ZNF501: variants seen among roughly 807,000 people sequenced by gnomAD.
ZNF501 encodes the protein zinc finger protein 501, also known as zinc finger protein 52.
A neutral mutation model predicts 5.7 loss-of-function variants in ZNF501; 7 were observed. That is an observed-to-expected ratio of 1.24 (90% CI 0.70 to 2.32). ZNF501 has a LOEUF of 2.32. Among genes scored for constraint, ZNF501 ranks in the 30% most tolerant of loss-of-function variants. The pLI is 0.00. For synonymous variants in ZNF501, 107 were observed against 101.9 expected, an observed-to-expected ratio of 1.05 and a Z score of -0.30; for missense variants, 352 against 321.1, an observed-to-expected ratio of 1.10 and a Z score of -0.73.
rs553353532 is a variant in ZNF501 at position 44,734,318 on chromosome 3, G to GCA, written c.-93_-92dup. 309 of 931,634 alleles carry GCA rather than the reference G, an allele frequency of 3.3e-4. 2 individuals are homozygous for GCA. Among genetic ancestry groups the GCA allele is most frequent in the South Asian group, 2.7e-3 (158 of 59,166 alleles). The allele number at this position is 931,634 out of a possible 1,614,324, so 57.7% of individuals were successfully genotyped here. On this transcript the variant is annotated 5_prime_UTR_variant, in exon 3 of 3. The change creates a premature stop within an existing upstream ORF in the 5' untranslated region. Coordinates refer to ENST00000620116, the MANE Select transcript of ZNF501 (RefSeq NM_001258280.2). Reference sequence around the variant, plus strand: ...AGCAATGCATGTGTGATGTGTGTGAGCACACACACACAGTAACCTTTCCTA... The same window carrying GCA: ...AGCAATGCATGTGTGATGTGTGTGAGCACACACACACACAGTAACCTTTCCTA...
rs929168781 is a variant in ZNF501 at position 44,734,956 on chromosome 3, C to G, written c.535C>G (p.Gln179Glu). 4 of 1,614,002 alleles carry G rather than the reference C, an allele frequency of 2.5e-6. No individual in the cohort carries two copies. Among genetic ancestry groups the G allele is most frequent in the Non-Finnish European group, 2.5e-6 (3 of 1,180,034 alleles). ...CTTTAATCAGAGTGCATGTCTCATG[C>G]AGCATCAGAGAATTCATTCAGGAGA... ...KAFNQSACLM[Q>E]HQRIHSGEKP... The change falls in exon 3 of 3, where the codon CAG (glutamine) becomes GAG (glutamate). Residue 179 changes from glutamine to glutamate, a missense_variant. Coordinates refer to ENST00000620116, the MANE Select transcript of ZNF501 (RefSeq NM_001258280.2).
rs1704578378 is a variant in ZNF501 at position 44,729,777 on chromosome 3, G to C, written c.-549G>C. 1 of 152,302 alleles carries C rather than the reference G, an allele frequency of 6.6e-6. No homozygotes were observed. Among genetic ancestry groups the C allele is most frequent in the Admixed American group, 6.5e-5 (1 of 15,288 alleles). The allele number at this position is 152,302 out of a possible 1,614,324, so 9.4% of individuals were successfully genotyped here. A position where few individuals can be genotyped will look rare whatever the true frequency, so the allele number is the denominator to read the frequency against. On this transcript the variant is annotated 5_prime_UTR_variant, in exon 1 of 3. Coordinates refer to ENST00000620116, the MANE Select transcript of ZNF501 (RefSeq NM_001258280.2). Reference sequence around the variant, plus strand: ...GCGGGTCGATTCCAGCTCCTCCCTCGGGAAGCAGGGCGTTTTTCTTCCTGG... The same window carrying C: ...GCGGGTCGATTCCAGCTCCTCCCTCCGGAAGCAGGGCGTTTTTCTTCCTGG...
chr3:44,732,277 A>G (rs1174408737), intron 2 of ZNF501: 2 of 152,230 alleles, frequency 1.3e-5, no homozygotes, highest in African/African-American at 4.8e-5. Flanking sequence ...CTGGGTTTCA[A>G]GTGATTTCCT....
At chr3:44,732,122 T>G (rs1305999668) in intron 2 of ZNF501, 4 of 152,226 alleles carry the variant, frequency 2.6e-5, no homozygotes, top group Non-Finnish European at 5.9e-5. Context: ...GGGAACTCTG[T>G]GAAGAGAATA....
chr3:44,733,347 A>G (rs903151511), intron 2 of ZNF501, among the ~76,000 whole-genome samples: 8 of 152,190 alleles, frequency 5.3e-5, no homozygotes, highest in African/African-American at 1.9e-4. Flanking sequence ...AAATTTGATA[A>G]TCATTTAGTT....
chr3:44,733,520 CTTTAT>C (rs1704646876), intron 2 of ZNF501, among the ~76,000 whole-genome samples: 1 of 152,126 alleles, frequency 6.6e-6, no homozygotes, highest in Admixed American at 6.5e-5. Flanking sequence ...AATGAAGTGA[CTTTAT>C]TTTCTCTCTC....
At position 44,735,135 on chromosome 3, in the gene ZNF501, A is replaced by G; in HGVS notation, c.714A>G (p.Arg238=). The part of the protein sequence containing the change: ...RKQAHLSEHY[R]IHTGEKPYEC... ...AAGCACACCTTAGTGAGCATTACAGAATTCATACTGGAGAAAAACCTTATG... is the reference window on the plus strand; with the variant it reads ...AAGCACACCTTAGTGAGCATTACAGGATTCATACTGGAGAAAAACCTTATG... Residue 238 remains arginine, a synonymous_variant, in exon 3 of 3, where the codon AGA becomes AGG. Transcript: ENST00000620116. 6.2e-7 allele frequency: 1 copy of G among 1,614,122 alleles called. No individual in the cohort carries two copies. Among genetic ancestry groups the G allele is most frequent in the Non-Finnish European group, 8.5e-7 (1 of 1,180,000 alleles).
At chr3:44,733,228 CAT>C (rs1704640723) in intron 2 of ZNF501, among the ~76,000 whole-genome samples, 1 of 151,996 alleles carries the variant, frequency 6.6e-6, no homozygotes, top group South Asian at 2.1e-4. Flanking sequence ...AGAGAAGAAG[CAT>C]GTGTTAGTGT....
rs777902839 is a variant in ZNF501 at position 44,734,946 on chromosome 3, A to G, written c.525A>G (p.Ala175=). The G allele has an allele frequency of 3.7e-6, 6 of 1,614,132 alleles. No homozygotes were observed. The highest frequency in any genetic ancestry group is 2.2e-5 in the South Asian group (2 of 91,084). Residue 175 remains alanine (A), a synonymous_variant, in exon 3 of 3, where the codon GCA becomes GCG. Coordinates refer to ENST00000620116, the MANE Select transcript of ZNF501 (RefSeq NM_001258280.2). ...GTGGGAAAGCCTTTAATCAGAGTGC[A>G]TGTCTCATGCAGCATCAGAGAATTC... ...NECGKAFNQS[A]CLMQHQRIHS...
chr3:44,736,632 G>T lies in ZNF501; in HGVS notation c.*1395G>T, dbSNP rs1467000529. 1.8e-5 allele frequency: 3 copies of T among 167,036 alleles called. No homozygotes were observed. Among genetic ancestry groups the T allele is most frequent in the Admixed American group, 6.5e-5 (1 of 15,278 alleles). 10.3% of individuals were successfully genotyped at this position (167,036 alleles called of 1,614,324 possible). On this transcript the variant is annotated 3_prime_UTR_variant, in exon 3 of 3. Transcript: ENST00000620116. The stretch of plus-strand genomic sequence containing the variant: ...TCCGCCTGCCTCAGCCTCCCAAAGT[G>T]CTGGGATTACAGGTGTGAGTCACCA...
rs1162870393 is a variant in ZNF501, at chr3:44,734,526, A to T, written c.105A>T (p.Ser35=). The change falls in exon 3 of 3, where the codon TCA becomes TCT. Residue 35 remains serine, a synonymous_variant. Coordinates refer to ENST00000620116, the MANE Select transcript of ZNF501 (RefSeq NM_001258280.2). ...SECGKFFTQR[S]SLTQHQRIHR... ...GTGGGAAGTTCTTTACTCAGAGATC[A>T]TCTCTTACCCAGCACCAGAGGATTC... The T allele has an allele frequency of 6.2e-6, 10 of 1,614,178 alleles. No homozygotes were observed. Among genetic ancestry groups the T allele is most frequent in the Middle Eastern group, 1.6e-4 (1 of 6,062 alleles).
intron 1 of ZNF501, among the ~76,000 whole-genome samples, chr3:44,730,256 C>A (rs1220105733): frequency 6.6e-6 from 1 of 151,806 alleles, no homozygotes; most frequent in Non-Finnish European, 1.5e-5. Flanking sequence ...AAAACTGGAG[C>A]AAAAAAAGGT....
At chr3:44,730,869 A>C (rs886911838) in intron 1 of ZNF501, among the ~76,000 whole-genome samples, 17 of 152,358 alleles carry the variant, frequency 1.1e-4, no homozygotes, top group African/African-American at 3.8e-4. Context: ...CAAATAAATG[A>C]ATAAACAGAT....
Position 44,734,730 on chromosome 3 carries a change from G to A in ZNF501, c.309G>A (p.Glu103=). The A allele has an allele frequency of 6.2e-7, 1 of 1,614,060 alleles. No homozygotes were observed. Among genetic ancestry groups the A allele is most frequent in the Non-Finnish European group, 8.5e-7 (1 of 1,180,002 alleles). The part of the protein sequence containing the change: ...LVQHLRIHTG[E]KPYKCNECGK... ...AGCATCTGAGAATTCATACTGGAGAGAAACCCTATAAATGCAATGAATGTG... is the reference window on the plus strand; with the variant it reads ...AGCATCTGAGAATTCATACTGGAGAAAAACCCTATAAATGCAATGAATGTG... Residue 103 remains glutamate (E), a synonymous_variant, in exon 3 of 3, where the codon GAG becomes GAA. Coordinates refer to ENST00000620116, the MANE Select transcript of ZNF501 (RefSeq NM_001258280.2).
At position 44,734,847 on chromosome 3, in the gene ZNF501, C is replaced by G; in HGVS notation, c.426C>G (p.Ala142=). ...KPYKCTECGK[A]FSQSICLTRH... is the part of the protein sequence containing the mutation. ...ATAAATGTACAGAATGTGGCAAAGC[C>G]TTCAGTCAGAGCATATGCCTTACTC... The change falls in exon 3 of 3, where the codon GCC becomes GCG. Residue 142 remains alanine, a synonymous_variant. Coordinates refer to ENST00000620116, the MANE Select transcript of ZNF501 (RefSeq NM_001258280.2). 1 of 1,613,862 alleles carries G rather than the reference C, an allele frequency of 6.2e-7. No individual in the cohort carries two copies. Among genetic ancestry groups the G allele is most frequent in the East Asian group, 2.2e-5 (1 of 44,868 alleles).
In ZNF501 at chr3:44,734,988, C is replaced by G; in HGVS notation, c.567C>G (p.Pro189=). 6.2e-7 allele frequency: 1 copy of G among 1,614,156 alleles called. No homozygotes were observed. The highest frequency in any genetic ancestry group is 2.2e-5 in the East Asian group (1 of 44,872). The change falls in exon 3 of 3, where the codon CCC becomes CCG. Residue 189 remains proline (P), a synonymous_variant. Transcript: ENST00000620116. ...QHQRIHSGEK[P]YTCTECGKAF... ...AGAGAATTCATTCAGGAGAGAAGCC[C>G]TACACATGCACTGAATGTGGTAAAG...
In ZNF501 at chr3:44,735,036, T is replaced by C; in HGVS notation, c.615T>C (p.Leu205=). ...AAGCCTTCACTCAGAACTCTTCCCT[T>C]GTTGAACATGAAAGGACTCACACTG... is the stretch of plus-strand genomic sequence containing the variant. ...CGKAFTQNSS[L]VEHERTHTGE... Residue 205 remains leucine (L), a synonymous_variant, in exon 3 of 3, where the codon CTT becomes CTC. Transcript: ENST00000620116. 1 of 1,614,190 alleles carries C rather than the reference T, an allele frequency of 6.2e-7. No individual in the cohort carries two copies. Among genetic ancestry groups the C allele is most frequent in the Non-Finnish European group, 8.5e-7 (1 of 1,180,018 alleles).
In ZNF501 at chr3:44,734,318, GCACA is replaced by G. The variant is rs553353532; in HGVS notation, c.-95_-92del. On this transcript the variant is annotated 5_prime_UTR_variant, in exon 3 of 3. The change creates a premature stop within an existing upstream ORF in the 5' untranslated region. Transcript: ENST00000620116. Reference sequence around the variant, plus strand: ...AGCAATGCATGTGTGATGTGTGTGAGCACACACACACAGTAACCTTTCCTAGGAG... The same window carrying G: ...AGCAATGCATGTGTGATGTGTGTGAGCACACACAGTAACCTTTCCTAGGAG... 2.1e-6 allele frequency: 2 copies of G among 931,556 alleles called. No homozygotes were observed. Among genetic ancestry groups the G allele is most frequent in the Admixed American group, 2.5e-5 (1 of 39,802 alleles). 57.7% of individuals were successfully genotyped at this position (931,556 alleles called of 1,614,324 possible). A position where few individuals can be genotyped will look rare whatever the true frequency, so the allele number is the denominator to read the frequency against.
At chr3:44,731,198 T>A (rs1293070195) in intron 1 of ZNF501, among the ~76,000 whole-genome samples, 1 of 152,194 alleles carries the variant, frequency 6.6e-6, no homozygotes, top group East Asian at 1.9e-4. Flanking sequence ...AGGGGAGCCA[T>A]TGGGCTCCAA....
Sources: allele counts gnomAD v4.1 joint callset (sites outside exome capture counted in the v4.1 genomes callset), GRCh38; gene constraint gnomAD v4.1.1; transcripts MANE v1.5; gene names NCBI Gene and HGNC (gene_info 2026-07-23, HGNC 2026-07-21).